The following PTPRN2 variants were observed in gnomAD, a reference collection of about 807,000 sequenced individuals.
PTPRN2 encodes receptor-type tyrosine-protein phosphatase N2.
Under a neutral mutation model 118.8 loss-of-function variants are expected in PTPRN2, and 74 were observed. That is an observed-to-expected ratio of 0.62 (90% CI 0.52 to 0.76). PTPRN2 has a LOEUF of 0.76. PTPRN2 is among the 30% of genes least tolerant of loss of function. The pLI is 0.00. For missense variants in PTPRN2, 1,481 were observed against 1,394.4 expected (o/e 1.06, Z -0.99); for synonymous variants, 641 against 608.0 (o/e 1.05, Z -0.80).
chr7:157,681,957 C>G (rs557031000), intron 13 of PTPRN2, among the ~76,000 whole-genome samples: 1 of 152,164 alleles, frequency 6.6e-6, no homozygotes, highest in Admixed American at 6.5e-5. Flanking sequence ...AATATCTTCT[C>G]GGAATTAAAT....
intron 12 of PTPRN2, among the ~76,000 whole-genome samples, chr7:157,762,638 A>C (rs181113066): frequency 0.013 from 1,920 of 151,062 alleles, 34 homozygotes; most frequent in African/African-American, 0.044. Flanking sequence ...AGATATACCT[A>C]ATGCTAGATG....
rs577448345 is a variant in PTPRN2 at position 157,733,294 on chromosome 7, A to T, written c.1789-50357T>A. ...CTCTTCCGTCCCATGCGCCCAGCAC[A>T]GTTACCCTTTCCCGTCCCACGCGCC... On this transcript the variant is annotated intron_variant, in intron 12 of 22. Transcript: ENST00000389418. Among the ~76,000 whole-genome samples, 26 of 41,482 alleles carry T rather than the reference A, an allele frequency of 6.3e-4. 3 individuals are homozygous for T. The highest frequency in any genetic ancestry group is 1.1e-3 in the Non-Finnish European group (23 of 20,836). 27.2% of individuals were successfully genotyped at this position (41,482 alleles called of 152,430 possible).
intron 11 of PTPRN2, among the ~76,000 whole-genome samples, chr7:157,916,874 C>T (rs1667733478): frequency 7.8e-6 from 1 of 128,658 alleles, no homozygotes; most frequent in Non-Finnish European, 1.7e-5. Flanking sequence ...ACACATCTCC[C>T]TCCCCAGCTG....
At chr7:158,339,282 C>A (rs180800835) in intron 2 of PTPRN2, among the ~76,000 whole-genome samples, 6 of 8,228 alleles carry the variant, frequency 7.3e-4, no homozygotes, top group South Asian at 3.4e-3. Flanking sequence ...CATACTCTCA[C>A]CATAAGAGCT....
intron 9 of PTPRN2, among the ~76,000 whole-genome samples, chr7:158,127,686 G>A (rs75097358): frequency 0.014 from 2,204 of 152,248 alleles, 42 homozygotes; most frequent in African/African-American, 0.043. Context: ...AGTGGGGTCT[G>A]GGGTAGGCAG....
At chr7:158,059,932 A>G (rs1229387463) in intron 11 of PTPRN2, among the ~76,000 whole-genome samples, 5 of 91,046 alleles carry the variant, frequency 5.5e-5, no homozygotes, top group South Asian at 4.7e-4. Flanking sequence ...CTGCAGCCAC[A>G]CTCCATCTGC....
At chr7:157,834,166 A>G (rs1307690940) in intron 12 of PTPRN2, among the ~76,000 whole-genome samples, 1 of 132,452 alleles carries the variant, frequency 7.5e-6, no homozygotes, top group Non-Finnish European at 1.6e-5. Flanking sequence ...CCAATCAGTG[A>G]GCCAGCAGCA....
intron 2 of PTPRN2, among the ~76,000 whole-genome samples, chr7:158,328,204 G>A (rs1376649730): frequency 2.0e-5 from 3 of 152,138 alleles, no homozygotes; most frequent in Non-Finnish European, 4.4e-5. Context: ...AAAATTCCAG[G>A]AGGCCAAAGG....
intron 1 of PTPRN2, among the ~76,000 whole-genome samples, chr7:158,490,722 G>C (rs1206929922): frequency 6.6e-6 from 1 of 152,268 alleles, no homozygotes; most frequent in Admixed American, 6.5e-5. Context: ...GCAAAGCACA[G>C]TGCCTTCAAT....
chr7:158,065,424 A>G (rs531689573), intron 11 of PTPRN2, among the ~76,000 whole-genome samples: 1 of 152,382 alleles, frequency 6.6e-6, no homozygotes, highest in African/African-American at 2.4e-5. Context: ...GAGCAGGGGC[A>G]TGGTTTGCGG....
intron 10 of PTPRN2, 111 bp from the exon 11 acceptor site, chr7:158,081,488 G>A: frequency 1.0e-6 from 1 of 991,858 alleles, no homozygotes; most frequent in South Asian, 1.3e-5. Context: ...AACATCCAAG[G>A]CCGCTGTGGC....
chr7:158,173,245 C>A (rs141698137), intron 5 of PTPRN2, among the ~76,000 whole-genome samples: 160 of 152,342 alleles, frequency 1.1e-3, no homozygotes, highest in South Asian at 2.7e-3. Flanking sequence ...ATTGGGGGAA[C>A]CAGCCCCCAA....
At chr7:158,391,346 G>A (rs1021990539) in intron 2 of PTPRN2, among the ~76,000 whole-genome samples, 6 of 152,124 alleles carry the variant, frequency 3.9e-5, no homozygotes, top group African/African-American at 1.4e-4. Flanking sequence ...CCCTCTCCTG[G>A]CCAAGCTGCA....
At chr7:158,102,706 T>C (rs1815329808) in intron 10 of PTPRN2, among the ~76,000 whole-genome samples, 1 of 152,114 alleles carries the variant, frequency 6.6e-6, no homozygotes, top group Non-Finnish European at 1.5e-5. Context: ...CCTTTGTTGT[T>C]CAAGGACTCA....
chr7:157,758,455 ACG>A (rs982863096), intron 12 of PTPRN2, among the ~76,000 whole-genome samples: 13 of 152,314 alleles, frequency 8.5e-5, no homozygotes, highest in Non-Finnish European at 1.3e-4. Flanking sequence ...CCGGGCTGGG[ACG>A]CGGGCCCCAG....
intron 12 of PTPRN2, among the ~76,000 whole-genome samples, chr7:157,862,195 G>A (rs1006224810): frequency 3.3e-5 from 5 of 152,256 alleles, no homozygotes; most frequent in African/African-American, 1.2e-4. Flanking sequence ...GCAGCACGGT[G>A]CCTCCTTCAC....
intron 2 of PTPRN2, among the ~76,000 whole-genome samples, chr7:158,484,684 A>C (rs948393410): frequency 2.6e-5 from 4 of 152,144 alleles, no homozygotes; most frequent in African/African-American, 7.2e-5. Flanking sequence ...GTATAAATGA[A>C]ATCATGTCCC....
rs1034522239 is a variant in PTPRN2, at chr7:157,808,187, G to A, written c.1788+90486C>T. On this transcript the variant is annotated intron_variant, in intron 12 of 22. Transcript: ENST00000389418. This position sits in a 1 kb window ranked among gnomAD's most constrained non-coding sequence, Gnocchi z 5.0. Reference sequence around the variant, plus strand: ...GGGTGCACAGCAGGAGGTGAGTGGTGGGTGAGTGAGCTGTTGAGTGGCCGG... The same window carrying A: ...GGGTGCACAGCAGGAGGTGAGTGGTAGGTGAGTGAGCTGTTGAGTGGCCGG... Among the ~76,000 whole-genome samples the A allele has an allele frequency of 6.6e-6, 1 of 152,114 alleles. No homozygotes were observed. The highest frequency in any genetic ancestry group is 1.5e-5 in the Non-Finnish European group (1 of 68,020).
chr7:158,333,149 C>T (rs1345091386), intron 2 of PTPRN2, among the ~76,000 whole-genome samples: 3 of 110,224 alleles, frequency 2.7e-5, no homozygotes, highest in African/African-American at 8.7e-5. Flanking sequence ...CACAGTCTCA[C>T]CATAAGAGGT....
Sources: gnomAD v4.1 joint callset for allele counts (sites outside exome capture counted in the v4.1 genomes callset) on GRCh38, gnomAD v4.1.1 for gene constraint, Gnocchi (gnomAD v3.1) non-coding constraint, MANE v1.5 for transcripts, NCBI Gene and HGNC (gene_info 2026-07-23, HGNC 2026-07-21) for gene names.